PPP6R1: variants seen among roughly 807,000 people sequenced by gnomAD.
PPP6R1 encodes the protein serine/threonine-protein phosphatase 6 regulatory subunit 1.
A neutral mutation model predicts 104.6 loss-of-function variants in PPP6R1; 39 were observed. The observed-to-expected ratio is 0.37, with a 90% CI of 0.29 to 0.49. The LOEUF (loss-of-function observed/expected upper bound fraction) is 0.49. Ranked by LOEUF, PPP6R1 falls within the 20% of genes least tolerant of loss-of-function variation. The probability of loss-of-function intolerance (pLI) is 0.98; values close to 1 mark genes in which losing one functional copy is unlikely to be tolerated. For missense variants in PPP6R1, 1,181 were observed against 1,155.8 expected, an observed-to-expected ratio of 1.02 and a Z score of -0.32; for synonymous variants, 549 against 479.0, an observed-to-expected ratio of 1.15 and a Z score of -1.91.
chr19:55,235,580 G>A (rs574680684), intron 17 of PPP6R1, among the ~76,000 whole-genome samples: 8 of 150,452 alleles, frequency 5.3e-5, no homozygotes, highest in East Asian at 2.0e-4. Context: ...GTACAGTGGC[G>A]CAATCTTGGC....
At chr19:55,238,272 A>C (rs2087417007) in intron 15 of PPP6R1, among the ~76,000 whole-genome samples, 1 of 152,216 alleles carries the variant, frequency 6.6e-6, no homozygotes, top group Non-Finnish European at 1.5e-5. Context: ...ACGCTCTGCA[A>C]GTCTCCATGC....
chr19:55,231,981 G>A lies in PPP6R1; in HGVS notation c.2127C>T (p.Gly709=), dbSNP rs754016085. ...GGTCAAAGGTGGCTGTCCAGCTGGG[G>A]CCTGGGATAGAGGTGGGGGAGCGGG... ...SYPSPGPQPP[G]PSWTATFDPV... Residue 709 remains glycine, a splice_region_variant and synonymous_variant, in exon 19 of 24, where the codon GGC becomes GGT. Transcript: ENST00000412770. 12 of 1,601,642 alleles carry A rather than the reference G, an allele frequency of 7.5e-6. No homozygotes were observed. The highest frequency in any genetic ancestry group is 1.7e-4 in the Middle Eastern group (1 of 6,012).
chr19:55,250,584 C>T (rs927667979), intron 1 of PPP6R1, among the ~76,000 whole-genome samples: 1 of 152,174 alleles, frequency 6.6e-6, no homozygotes, highest in Non-Finnish European at 1.5e-5. Context: ...TCCACCTTGT[C>T]CCCAGCTGCT....
intron 20 of PPP6R1, 28 bp downstream of exon 20, chr19:55,231,570 C>T (rs199994664): frequency 3.8e-5 from 61 of 1,604,864 alleles, no homozygotes; most frequent in South Asian, 7.8e-5. Context: ...CCCAGGGCCG[C>T]GGGTGGGCAG....
downstream of PPP6R1, chr19:55,228,736 G>A (rs377158968): frequency 1.0e-4 from 162 of 1,613,274 alleles, no homozygotes; most frequent in African/African-American, 1.5e-3. Context: ...CTTTGCCAGC[G>A]TCCATGCTGG....
At chr19:55,255,397 A>T (rs189751906) in intron 1 of PPP6R1, among the ~76,000 whole-genome samples, 258 of 152,318 alleles carry the variant, frequency 1.7e-3, no homozygotes, top group Non-Finnish European at 2.8e-3. Flanking sequence ...AAGTCAGAAA[A>T]GCTTGCATTC....
chr19:55,230,736 C>CCCCCCCG, intron 22 of PPP6R1, 38 bp downstream of exon 22: 1 of 1,471,456 alleles, frequency 6.8e-7, no homozygotes, highest in Non-Finnish European at 9.1e-7. Flanking sequence ...CCCACCAGCC[C>CCCCCCCG]CACCCCCACC....
intron 17 of PPP6R1, among the ~76,000 whole-genome samples, chr19:55,235,724 T>C (rs2087391557): frequency 6.6e-6 from 1 of 151,816 alleles, no homozygotes; most frequent in Non-Finnish European, 1.5e-5. Flanking sequence ...TTCACCATGT[T>C]AGCCAGGATG....
At chr19:55,247,500 G>A (rs558439348) in intron 1 of PPP6R1, 113 of 193,186 alleles carry the variant, frequency 5.8e-4, no homozygotes, top group Non-Finnish European at 9.7e-4. Flanking sequence ...GAGGGGCCTC[G>A]GGCCCTGTCT....
In PPP6R1 at chr19:55,241,125, C is replaced by T. The variant is rs374487097; in HGVS notation, c.1162-46G>A. On this transcript the variant is annotated intron_variant, in intron 9 of 23. Transcript: ENST00000412770. The surrounding 1 kb of genome is among the most constrained non-coding windows in gnomAD (Gnocchi z 5.4). Reference sequence around the variant, plus strand: ...GGTACCAGAGAGGCCCCGCCCCAGCCGAGCCCCCAACCCCTGAGCCCCCAG... The same window carrying T: ...GGTACCAGAGAGGCCCCGCCCCAGCTGAGCCCCCAACCCCTGAGCCCCCAG... 1.1e-3 allele frequency: 1,653 copies of T among 1,528,796 alleles called. 11 individuals are homozygous for T. In the African/African-American group the frequency reaches 0.019, roughly 18 times the overall value. The allele number at this position is 1,528,796 out of a possible 1,614,324, so 94.7% of individuals were successfully genotyped here.
intron 22 of PPP6R1, 41 bp downstream of exon 22, chr19:55,230,733 G>GCCCCCCCCGC: frequency 2.9e-6 from 4 of 1,390,536 alleles, no homozygotes; most frequent in Non-Finnish European, 3.9e-6. Context: ...TGCCCCACCA[G>GCCCCCCCCGC]CCCCACCCCC....
rs748320739 is a variant in PPP6R1 at position 55,231,490 on chromosome 19, G to A, written c.2379C>T (p.Ala793=). 10 of 1,606,432 alleles carry A rather than the reference G, an allele frequency of 6.2e-6. No individual in the cohort carries two copies. The highest frequency in any genetic ancestry group is 1.1e-5 in the South Asian group (1 of 89,384). The change falls in exon 21 of 24, where the codon GCC becomes GCT. Residue 793 remains alanine (A), a splice_region_variant and synonymous_variant. Transcript: ENST00000412770. The stretch of plus-strand genomic sequence containing the variant: ...CGATGCTAACCAAGGCCTGGCAAGG[G>A]GCTGTGGGGGATAAGAGATCTCAGC... ...TEGSKVTEPS[A]PCQALVSIGD... is the part of the protein sequence containing the mutation.
intron 1 of PPP6R1, among the ~76,000 whole-genome samples, chr19:55,252,396 ATTTT>A (rs1179232184): frequency 1.4e-5 from 1 of 70,578 alleles, no homozygotes; most frequent in Non-Finnish European, 2.8e-5. Flanking sequence ...TTCTTGGCTG[ATTTT>A]TTTTTTTTTT....
At chr19:55,251,395 A>T (rs1225695993) in intron 1 of PPP6R1, among the ~76,000 whole-genome samples, 1 of 152,146 alleles carries the variant, frequency 6.6e-6, no homozygotes, top group Non-Finnish European at 1.5e-5. Flanking sequence ...CCCAGGCAGG[A>T]GGCTGCCGTA....
At chr19:55,257,536 C>T (rs1304389859) in intron 1 of PPP6R1, among the ~76,000 whole-genome samples, 1 of 152,170 alleles carries the variant, frequency 6.6e-6, no homozygotes, top group South Asian at 2.1e-4. Context: ...GGACTCCGAC[C>T]TTCCTTCCTT....
chr19:55,235,234 T>C (rs1380630866), intron 17 of PPP6R1, among the ~76,000 whole-genome samples: 1 of 151,966 alleles, frequency 6.6e-6, no homozygotes, highest in African/African-American at 2.4e-5. Flanking sequence ...AATGTAACAT[T>C]TGCACTAAAA....
chr19:55,249,369 G>C lies in PPP6R1; in HGVS notation c.-6-2260C>G, dbSNP rs925540403. On this transcript the variant is annotated intron_variant, in intron 1 of 23. Coordinates refer to ENST00000412770, the MANE Select transcript of PPP6R1 (RefSeq NM_014931.4). Reference sequence around the variant, plus strand: ...CGATTCTTCCGCCTCAACCTCCCTAGTAGCTGGTACTACAAGCATCTGCCA... The same window carrying C: ...CGATTCTTCCGCCTCAACCTCCCTACTAGCTGGTACTACAAGCATCTGCCA... Among the ~76,000 whole-genome samples, 11 of 152,248 alleles carry C rather than the reference G, an allele frequency of 7.2e-5. No homozygotes were observed. In the East Asian group the frequency reaches 2.1e-3, roughly 30 times the overall value.
intron 5 of PPP6R1, 147 bp downstream of exon 5, chr19:55,244,973 A>G: frequency 8.0e-7 from 1 of 1,245,690 alleles, no homozygotes; most frequent in Non-Finnish European, 1.1e-6. Flanking sequence ...CATGGGCTCA[A>G]GTAATCCTCC....
At chr19:55,234,305 G>A (rs2087375368) in intron 17 of PPP6R1, among the ~76,000 whole-genome samples, 1 of 152,174 alleles carries the variant, frequency 6.6e-6, no homozygotes, top group African/African-American at 2.4e-5. Flanking sequence ...TGTGGTACTG[G>A]ATAAAAACAA....
Sources: allele counts gnomAD v4.1 joint callset (sites outside exome capture counted in the v4.1 genomes callset), GRCh38; gene constraint gnomAD v4.1.1; non-coding constraint Gnocchi (gnomAD v3.1); transcripts MANE v1.5; gene names NCBI Gene and HGNC (gene_info 2026-07-23, HGNC 2026-07-21).